The following CREB5 variants were observed in gnomAD, a reference collection of about 807,000 sequenced individuals.
CREB5 encodes cyclic AMP-responsive element-binding protein 5.
CREB5 carries 19 observed loss-of-function variants against 57.1 expected under a neutral mutation model. The observed-to-expected ratio is 0.33, with a 90% CI of 0.23 to 0.49. The LOEUF is 0.49. CREB5 is among the 20% of genes least tolerant of loss of function. The pLI, the probability that CREB5 is intolerant of heterozygous loss-of-function variation, is 0.99. For synonymous variants in CREB5, 238 were observed against 238.3 expected, an observed-to-expected ratio of 1.00 and a Z score of 0.01; for missense variants, 579 against 671.6, an observed-to-expected ratio of 0.86 and a Z score of 1.52.
At chr7:28,682,689 G>C (rs1237745666) in intron 5 of CREB5, among the ~76,000 whole-genome samples, 12 of 148,694 alleles carry the variant, frequency 8.1e-5, no homozygotes, top group Admixed American at 6.0e-4. Context: ...AAGTGGGGGG[G>C]GGGGGAAACC....
At chr7:28,406,241 A>C (rs1787576926) in intron 1 of CREB5, among the ~76,000 whole-genome samples, 1 of 152,156 alleles carries the variant, frequency 6.6e-6, no homozygotes, top group South Asian at 2.1e-4. Context: ...TAAAATACTA[A>C]AATTCTTCCA....
intron 1 of CREB5, among the ~76,000 whole-genome samples, chr7:28,415,327 A>G (rs796184266): frequency 2.0e-5 from 3 of 152,270 alleles, no homozygotes; most frequent in African/African-American, 7.2e-5. Flanking sequence ...CAAGGCCCAG[A>G]GCTAGAGAGA....
intron 5 of CREB5, among the ~76,000 whole-genome samples, chr7:28,603,753 AGTTG>A (rs1268750868): frequency 6.6e-6 from 1 of 152,216 alleles, no homozygotes; most frequent in Admixed American, 6.5e-5. Context: ...TTAGTCCGTT[AGTTG>A]GTTGGTAAGT....
chr7:28,667,084 CT>C (rs1379814907), intron 5 of CREB5, among the ~76,000 whole-genome samples: 1 of 151,992 alleles, frequency 6.6e-6, no homozygotes, highest in Non-Finnish European at 1.5e-5. Flanking sequence ...AGGACTGATG[CT>C]CTTGGAATCA....
chr7:28,613,921 A>G (rs1797499730), intron 5 of CREB5, among the ~76,000 whole-genome samples: 1 of 152,142 alleles, frequency 6.6e-6, no homozygotes, highest in Non-Finnish European at 1.5e-5. Context: ...GTTATGTCTT[A>G]GATGTTATTT....
intron 9 of CREB5, among the ~76,000 whole-genome samples, chr7:28,811,821 A>G (rs1201549321): frequency 6.6e-6 from 1 of 152,244 alleles, no homozygotes; most frequent in Non-Finnish European, 1.5e-5. Flanking sequence ...AAGTAAATAA[A>G]AGTTCTTGTA....
At chr7:28,459,081 G>T (rs1164768927) in intron 1 of CREB5, among the ~76,000 whole-genome samples, 6 of 152,140 alleles carry the variant, frequency 3.9e-5, no homozygotes, top group Non-Finnish European at 2.9e-5. Context: ...CCTCCATTCT[G>T]CTCCCCACAC....
intron 5 of CREB5, among the ~76,000 whole-genome samples, chr7:28,594,540 T>C (rs1475676644): frequency 6.6e-6 from 1 of 152,200 alleles, no homozygotes; most frequent in African/African-American, 2.4e-5. Context: ...TCCCCCAGGC[T>C]GACTCTGGCT....
At chr7:28,357,384 A>T (rs889255625) in intron 1 of CREB5, among the ~76,000 whole-genome samples, 8 of 152,178 alleles carry the variant, frequency 5.3e-5, no homozygotes, top group African/African-American at 1.9e-4. Flanking sequence ...GGAGAAAATC[A>T]GGTTGGACCT....
upstream of CREB5, chr7:28,410,173 G>T (rs1352911337): frequency 2.3e-6 from 1 of 437,120 alleles, no homozygotes; most frequent in Non-Finnish European, 4.6e-6. Flanking sequence ...CCGGGGAGGG[G>T]AGGTCGCCCT....
chr7:28,519,675 A>T (rs995932454), intron 4 of CREB5, among the ~76,000 whole-genome samples: 1 of 152,252 alleles, frequency 6.6e-6, no homozygotes, highest in Admixed American at 6.5e-5. Flanking sequence ...ACCTCATTAA[A>T]GTAGTCCTTC....
At chr7:28,784,566 G>A (rs1368302281) in intron 7 of CREB5, among the ~76,000 whole-genome samples, 1 of 152,038 alleles carries the variant, frequency 6.6e-6, no homozygotes, top group African/African-American at 2.4e-5. Context: ...GTGGAGAAAC[G>A]TATCTGGCTG....
At chr7:28,472,596 C>T (rs1790874419) in intron 1 of CREB5, among the ~76,000 whole-genome samples, 1 of 152,130 alleles carries the variant, frequency 6.6e-6, no homozygotes, top group Non-Finnish European at 1.5e-5. Context: ...TATTTATTTA[C>T]GCATGGGATA....
At chr7:28,634,935 C>T (rs148200178) in intron 5 of CREB5, among the ~76,000 whole-genome samples, 258 of 152,182 alleles carry the variant, frequency 1.7e-3, no homozygotes, top group Non-Finnish European at 1.4e-3. Context: ...CTGCAAGTAA[C>T]GAAAAAATCC....
At chr7:28,351,351 T>A (rs1420405101) in intron 1 of CREB5, among the ~76,000 whole-genome samples, 1 of 152,174 alleles carries the variant, frequency 6.6e-6, no homozygotes, top group Non-Finnish European at 1.5e-5. Flanking sequence ...ATAGTTCCTA[T>A]TCAGGACACA....
At chr7:28,658,701 G>C (rs1371626856) in intron 5 of CREB5, among the ~76,000 whole-genome samples, 1 of 152,056 alleles carries the variant, frequency 6.6e-6, no homozygotes, top group Non-Finnish European at 1.5e-5. Context: ...CTTAGACTCT[G>C]AGCTGATCAA....
rs1162288791 is a variant in CREB5 at position 28,452,419 on chromosome 7, A to T, written c.4-35756A>T. On this transcript the variant is annotated intron_variant, in intron 1 of 10. Coordinates refer to ENST00000357727, the MANE Select transcript of CREB5 (RefSeq NM_182898.4). ...TGATTATAAAAATGCCCTAAATGTA[A>T]TATAACAAAGAAATAAAATAAATGT... is the stretch of plus-strand genomic sequence containing the variant. 9.9e-5 allele frequency among the ~76,000 whole-genome samples: 15 copies of T among 152,240 alleles called. 1 individual carries two copies. Among genetic ancestry groups the T allele is most frequent in the Non-Finnish European group, 2.1e-4 (14 of 68,046 alleles).
At chr7:28,352,612 A>G (rs1786255541) in intron 1 of CREB5, among the ~76,000 whole-genome samples, 1 of 152,222 alleles carries the variant, frequency 6.6e-6, no homozygotes. Flanking sequence ...TCAAAGTCAC[A>G]AGATGACTGC....
chr7:28,708,809 C>T (rs551677147), intron 5 of CREB5, among the ~76,000 whole-genome samples: 1 of 152,340 alleles, frequency 6.6e-6, no homozygotes, highest in African/African-American at 2.4e-5. Context: ...GGGTGGGGCT[C>T]TCCGTGTGAC....
Sources: allele counts gnomAD v4.1 joint callset (sites outside exome capture counted in the v4.1 genomes callset), GRCh38; gene constraint gnomAD v4.1.1; transcripts MANE v1.5; gene names NCBI Gene and HGNC (gene_info 2026-07-23, HGNC 2026-07-21).